IL1RAPL2: variants seen among roughly 807,000 people sequenced by gnomAD.
The protein encoded by IL1RAPL2 is interleukin 1 receptor accessory protein like 2, also known as X-linked interleukin-1 receptor accessory protein-like 2.
IL1RAPL2 carries 3 observed loss-of-function variants against 44.1 expected under a neutral mutation model. That is an observed-to-expected ratio of 0.07 (90% CI 0.03 to 0.18). The LOEUF is 0.18. Among genes scored for constraint, IL1RAPL2 ranks in the 10% least tolerant of loss-of-function variants. IL1RAPL2 has a pLI of 1.00. For missense variants in IL1RAPL2, 391 were observed against 496.4 expected, an observed-to-expected ratio of 0.79 and a Z score of 2.02; for synonymous variants, 181 against 178.8, an observed-to-expected ratio of 1.01 and a Z score of -0.10.
intron 2 of IL1RAPL2, among the ~76,000 whole-genome samples, chrX:105,031,229 C>A (rs1316424393): frequency 2.5e-4 from 27 of 108,039 alleles, no homozygotes; most frequent in African/African-American, 8.8e-4. Flanking sequence ...ATTGAATACC[C>A]TTTATTTCCT....
At chrX:105,270,277 G>A (rs372228951) in intron 5 of IL1RAPL2, among the ~76,000 whole-genome samples, 5 of 111,524 alleles carry the variant, frequency 4.5e-5, no homozygotes, top group African/African-American at 1.6e-4. Context: ...TATTTTGTGA[G>A]TATGTTAGTT....
At chrX:104,594,906 TG>T (rs1928736486) in intron 1 of IL1RAPL2, among the ~76,000 whole-genome samples, 1 of 111,727 alleles carries the variant, frequency 9.0e-6, no homozygotes, top group Non-Finnish European at 1.9e-5. Context: ...GCAGTGTAGC[TG>T]GAGTTTAGAT....
At chrX:105,438,875 A>G (rs1269007164) in intron 5 of IL1RAPL2, among the ~76,000 whole-genome samples, 2 of 110,456 alleles carry the variant, frequency 1.8e-5, no homozygotes, top group East Asian at 5.7e-4. Context: ...GTGTGTGCCC[A>G]CCCAAATCTC....
At chrX:105,273,746 G>C (rs952684289) in intron 5 of IL1RAPL2, among the ~76,000 whole-genome samples, 6 of 111,747 alleles carry the variant, frequency 5.4e-5, no homozygotes, top group African/African-American at 2.0e-4. Context: ...CATTCTGAAG[G>C]CTCCTGTGTA....
Position 104,911,037 on chromosome X carries a change from A to C in IL1RAPL2, c.82+252042A>C, listed in dbSNP as rs181578134. Among the ~76,000 whole-genome samples the C allele has an allele frequency of 7.1e-5, 8 of 112,094 alleles. No homozygotes were observed. The East Asian group carries it at 2.2e-3, about 31-fold the overall frequency. On this transcript the variant is annotated intron_variant, in intron 2 of 10. Transcript: ENST00000372582. ...CTTTATGCCAATAAAATAGAAAACA[A>C]ATGATATGGACATATTAATAGAATG...
chrX:105,274,889 A>G (rs1226602101), intron 5 of IL1RAPL2, among the ~76,000 whole-genome samples: 1 of 111,778 alleles, frequency 8.9e-6, no homozygotes, highest in East Asian at 2.8e-4. Context: ...AGTGCCCATA[A>G]TATCTAATGT....
chrX:105,116,388 T>C (rs1191972297), intron 2 of IL1RAPL2, among the ~76,000 whole-genome samples: 1 of 113,201 alleles, frequency 8.8e-6, no homozygotes, highest in Non-Finnish European at 1.9e-5. Flanking sequence ...GTGAAGGGCC[T>C]GGTGCATAGT....
intron 1 of IL1RAPL2, among the ~76,000 whole-genome samples, chrX:104,656,823 G>C (rs1166460415): frequency 9.0e-6 from 1 of 111,247 alleles, no homozygotes; most frequent in East Asian, 2.8e-4. Context: ...TCTCTTTGTA[G>C]GTCTCTAAGG....
rs1303242811 is a variant in IL1RAPL2, at chrX:105,093,673, G to A, written c.83-101802G>A. Among the ~76,000 whole-genome samples, 3 of 111,577 alleles carry A rather than the reference G, an allele frequency of 2.7e-5. 1 individual carries two copies. Among genetic ancestry groups the A allele is most frequent in the Non-Finnish European group, 5.7e-5 (3 of 53,069 alleles). On this transcript the variant is annotated intron_variant, in intron 2 of 10. Coordinates refer to ENST00000372582, the MANE Select transcript of IL1RAPL2 (RefSeq NM_017416.2). ...ACTGAAAGAGAAGGCAAAGGGTTTG[G>A]TACAGCCATTTTATTTGTTATCTTT...
At chrX:105,140,734 C>G (rs1375648620) in intron 2 of IL1RAPL2, among the ~76,000 whole-genome samples, 1 of 112,474 alleles carries the variant, frequency 8.9e-6, no homozygotes, top group Non-Finnish European at 1.9e-5. Flanking sequence ...TGTTCAATAG[C>G]AAATGCTAAT....
At chrX:104,936,857 C>A (rs181729506) in intron 2 of IL1RAPL2, among the ~76,000 whole-genome samples, 1 of 111,002 alleles carries the variant, frequency 9.0e-6, no homozygotes, top group African/African-American at 3.3e-5. Context: ...CCACCCGCCT[C>A]GGCCTCCCAA....
At chrX:104,791,121 G>A (rs1932823533) in intron 2 of IL1RAPL2, among the ~76,000 whole-genome samples, 1 of 110,618 alleles carries the variant, frequency 9.0e-6, no homozygotes, top group South Asian at 3.9e-4. Flanking sequence ...TCAGGCTTTG[G>A]TATAGGAGAA....
chrX:105,523,708 C>T (rs2036575678), intron 6 of IL1RAPL2, among the ~76,000 whole-genome samples: 1 of 110,821 alleles, frequency 9.0e-6, no homozygotes, highest in Non-Finnish European at 1.9e-5. Context: ...CATAAGAAGG[C>T]CATTGCGTTT....
At position 104,591,220 on chromosome X, in the gene IL1RAPL2, A is replaced by G. The variant is rs187280795; in HGVS notation, c.-20+24169A>G. 2.0e-3 allele frequency among the ~76,000 whole-genome samples: 224 copies of G among 111,362 alleles called. 1 individual carries two copies. Among genetic ancestry groups the G allele is most frequent in the Non-Finnish European group, 2.4e-3 (128 of 53,094 alleles). ...GACTTTGTAATTATTGTTCAGGCAA[A>G]TATAAATAGTACTAGTATTGGACTA... On this transcript the variant is annotated intron_variant, in intron 1 of 10. Coordinates refer to ENST00000372582, the MANE Select transcript of IL1RAPL2 (RefSeq NM_017416.2).
intron 6 of IL1RAPL2, among the ~76,000 whole-genome samples, chrX:105,701,646 T>C (rs762644942): frequency 9.0e-6 from 1 of 111,092 alleles, no homozygotes; most frequent in Non-Finnish European, 1.9e-5. Flanking sequence ...AGTAGAGCAA[T>C]TGTTACTTTT....
chrX:105,310,188 G>A (rs1042085672), intron 5 of IL1RAPL2, among the ~76,000 whole-genome samples: 10 of 111,179 alleles, frequency 9.0e-5, no homozygotes, highest in African/African-American at 3.3e-4. Flanking sequence ...TCATATTGTT[G>A]CAGTTTCAGT....
At chrX:105,531,814 G>GGCTTTTATTGAA (rs2036638706) in intron 6 of IL1RAPL2, among the ~76,000 whole-genome samples, 1 of 111,657 alleles carries the variant, frequency 9.0e-6, no homozygotes, top group African/African-American at 3.3e-5. Context: ...TGAAGACACT[G>GGCTTTTATTGAA]GCTTTTCCCC....
In IL1RAPL2 at chrX:105,559,159, C is replaced by A. The variant is rs182421018; in HGVS notation, c.772+74772C>A. ...TTCCCAGGATTATGGCCAGTTAATT[C>A]AGATGGTTGGAACATATTAATGAGG... On this transcript the variant is annotated intron_variant, in intron 6 of 10. Transcript: ENST00000372582. 2.7e-5 allele frequency among the ~76,000 whole-genome samples: 3 copies of A among 111,891 alleles called. No homozygotes were observed. In the East Asian group the frequency reaches 8.5e-4, roughly 32 times the overall value.
At chrX:105,591,946 C>T (rs752600042) in intron 6 of IL1RAPL2, among the ~76,000 whole-genome samples, 2 of 110,615 alleles carry the variant, frequency 1.8e-5, no homozygotes, top group Admixed American at 9.6e-5. Context: ...AGTCAAGGGT[C>T]GAGTTCAGGT....
Sources: allele counts gnomAD v4.1 joint callset (sites outside exome capture counted in the v4.1 genomes callset), GRCh38; gene constraint gnomAD v4.1.1; transcripts MANE v1.5; gene names NCBI Gene and HGNC (gene_info 2026-07-23, HGNC 2026-07-21).